Variants in BMPR1B observed in about 807,000 individuals in gnomAD.
BMPR1B encodes the protein bone morphogenetic protein receptor type-1B.
A neutral mutation model predicts 59.1 loss-of-function variants in BMPR1B; 12 were observed. The ratio of observed to expected loss-of-function variants is 0.20; its 90% CI spans 0.13 to 0.33. The LOEUF is 0.33. BMPR1B is among the 10% of genes least tolerant of loss of function. BMPR1B has a pLI of 1.00. For missense variants in BMPR1B, 550 were observed against 610.9 expected (o/e 0.90, Z 1.05); for synonymous variants, 237 against 207.3 (o/e 1.14, Z -1.23).
chr4:94,783,533 C>T (rs1194970592), intron 1 of BMPR1B, among the ~76,000 whole-genome samples: 1 of 152,134 alleles, frequency 6.6e-6, no homozygotes, highest in Admixed American at 6.5e-5. Context: ...GTCTCTTCCT[C>T]TGGGCAAAAT....
At chr4:95,059,255 T>C (rs1467045952) in intron 3 of BMPR1B, among the ~76,000 whole-genome samples, 1 of 152,226 alleles carries the variant, frequency 6.6e-6, no homozygotes, top group African/African-American at 2.4e-5. Flanking sequence ...TTAAGTTGCC[T>C]TTTTCTTCAC....
At chr4:94,954,046 A>T (rs577711863) in intron 2 of BMPR1B, among the ~76,000 whole-genome samples, 1 of 151,168 alleles carries the variant, frequency 6.6e-6, no homozygotes, top group African/African-American at 2.4e-5. Flanking sequence ...CTTCCACTTG[A>T]TCGATTTGGC....
intron 3 of BMPR1B, among the ~76,000 whole-genome samples, chr4:95,091,209 C>T (rs1020099519): frequency 6.6e-6 from 1 of 152,040 alleles, no homozygotes; most frequent in South Asian, 2.1e-4. Context: ...ACATAACACA[C>T]TGTGGTCAGT....
chr4:94,781,200 A>T (rs1578635715), intron 1 of BMPR1B, among the ~76,000 whole-genome samples: 1 of 152,156 alleles, frequency 6.6e-6, no homozygotes, highest in Non-Finnish European at 1.5e-5. Context: ...TGGAGTTGTA[A>T]GTGTTCTTTA....
chr4:94,814,041 CA>C (rs536757375), intron 1 of BMPR1B, among the ~76,000 whole-genome samples: 237 of 152,226 alleles, frequency 1.6e-3, no homozygotes, highest in African/African-American at 5.4e-3. Flanking sequence ...GGAATCAGAT[CA>C]GGGGAGATGT....
At chr4:94,937,229 A>AT (rs761379116) in intron 2 of BMPR1B, among the ~76,000 whole-genome samples, 3 of 151,858 alleles carry the variant, frequency 2.0e-5, no homozygotes, top group Non-Finnish European at 2.9e-5. Flanking sequence ...TTGATTGGGA[A>AT]TTTTTTATCC....
chr4:95,039,751 T>C (rs1476234441), intron 3 of BMPR1B, among the ~76,000 whole-genome samples: 1 of 152,118 alleles, frequency 6.6e-6, no homozygotes, highest in African/African-American at 2.4e-5. Flanking sequence ...CTTAAAACAT[T>C]ATGAGATTTT....
chr4:94,844,014 G>C (rs775919578), intron 1 of BMPR1B, among the ~76,000 whole-genome samples: 1 of 152,158 alleles, frequency 6.6e-6, no homozygotes, highest in African/African-American at 2.4e-5. Flanking sequence ...CTGGGGTATG[G>C]GGGGAAATGC....
intron 1 of BMPR1B, among the ~76,000 whole-genome samples, chr4:94,800,861 AC>A (rs1182635896): frequency 6.6e-6 from 1 of 152,192 alleles, no homozygotes; most frequent in Non-Finnish European, 1.5e-5. Flanking sequence ...TTATATAAAA[AC>A]AAATGTTTAG....
At chr4:94,787,148 A>G (rs917949517) in intron 1 of BMPR1B, among the ~76,000 whole-genome samples, 4 of 152,162 alleles carry the variant, frequency 2.6e-5, no homozygotes, top group African/African-American at 9.7e-5. Context: ...CAGATGGGTC[A>G]TCTTGGAGGT....
chr4:94,772,307 A>G (rs1391510522), intron 1 of BMPR1B, among the ~76,000 whole-genome samples: 1 of 152,178 alleles, frequency 6.6e-6, no homozygotes, highest in African/African-American at 2.4e-5. Flanking sequence ...ATTTTTTGGC[A>G]TAGCAAAATG....
At chr4:94,959,600 T>C (rs1351103481) in intron 2 of BMPR1B, among the ~76,000 whole-genome samples, 1 of 152,210 alleles carries the variant, frequency 6.6e-6, no homozygotes, top group Non-Finnish European at 1.5e-5. Context: ...ACATTGGCTA[T>C]CTTTATAAGG....
rs957934395 is a variant in BMPR1B, at chr4:94,888,971, T to G, written c.-113+13071T>G. ...ACATTCTAAAATTTGTAATACATAATATAAAATTTCAATAGTTTTTATAAA... is the reference window on the plus strand; with the variant it reads ...ACATTCTAAAATTTGTAATACATAAGATAAAATTTCAATAGTTTTTATAAA... On this transcript the variant is annotated intron_variant, in intron 2 of 12. Coordinates refer to ENST00000515059, the MANE Select transcript of BMPR1B (RefSeq NM_001203.3). Among the ~76,000 whole-genome samples, 17 of 151,972 alleles carry G rather than the reference T, an allele frequency of 1.1e-4. 1 individual carries two copies. Among genetic ancestry groups the G allele is most frequent in the African/African-American group, 4.1e-4 (17 of 41,392 alleles).
chr4:94,886,687 C>G (rs1457182735), intron 2 of BMPR1B, among the ~76,000 whole-genome samples: 13 of 152,150 alleles, frequency 8.5e-5, no homozygotes, highest in Admixed American at 8.5e-4. Flanking sequence ...AATATACACT[C>G]AACATCACTT....
At chr4:94,922,144 T>C (rs2149025968) in intron 2 of BMPR1B, among the ~76,000 whole-genome samples, 1 of 152,184 alleles carries the variant, frequency 6.6e-6, no homozygotes, top group East Asian at 1.9e-4. Flanking sequence ...TCTTAATTTC[T>C]TTTTTCTTAT....
chr4:94,881,205 A>G (rs1396203883), intron 2 of BMPR1B, among the ~76,000 whole-genome samples: 1 of 152,018 alleles, frequency 6.6e-6, no homozygotes, highest in Non-Finnish European at 1.5e-5. Context: ...TCTGTTTTCC[A>G]GCCCTCAGTC....
At chr4:94,889,389 G>T (rs1011961) in intron 2 of BMPR1B, among the ~76,000 whole-genome samples, 1 of 151,818 alleles carries the variant, frequency 6.6e-6, no homozygotes, top group African/African-American at 2.4e-5. Context: ...TAGTATCTCT[G>T]TTTTTCAGAT....
intron 2 of BMPR1B, among the ~76,000 whole-genome samples, chr4:94,954,441 G>A (rs960517320): frequency 6.6e-6 from 1 of 152,140 alleles, no homozygotes; most frequent in African/African-American, 2.4e-5. Context: ...TATCATTAAG[G>A]CTGCCACATA....
chr4:95,150,370 G>T (rs1430323153), intron 11 of BMPR1B, among the ~76,000 whole-genome samples: 1 of 151,708 alleles, frequency 6.6e-6, no homozygotes. Flanking sequence ...AGCATTTTGG[G>T]AGTCCAAGCG....
Sources: gnomAD v4.1 joint callset for allele counts (sites outside exome capture counted in the v4.1 genomes callset) on GRCh38, gnomAD v4.1.1 for gene constraint, MANE v1.5 for transcripts, NCBI Gene and HGNC (gene_info 2026-07-23, HGNC 2026-07-21) for gene names.